Variants in PELI1 observed in about 807,000 individuals in gnomAD.
PELI1 encodes pellino E3 ubiquitin protein ligase 1, also known as E3 ubiquitin-protein ligase pellino homolog 1.
A neutral mutation model predicts 41.3 loss-of-function variants in PELI1; 15 were observed. That is an observed-to-expected ratio of 0.36 (90% CI 0.24 to 0.56). PELI1 has a LOEUF of 0.56. Ranked by LOEUF, PELI1 falls within the 20% of genes least tolerant of loss-of-function variation. PELI1 has a pLI of 0.82. For synonymous variants in PELI1, 178 were observed against 180.1 expected, an observed-to-expected ratio of 0.99 and a Z score of 0.09; for missense variants, 403 against 525.5, an observed-to-expected ratio of 0.77 and a Z score of 2.28.
intron 1 of PELI1, among the ~76,000 whole-genome samples, chr2:64,114,329 T>A (rs756770133): frequency 4.6e-5 from 7 of 152,192 alleles, no homozygotes; most frequent in Non-Finnish European, 1.0e-4. Flanking sequence ...TCATAGCAGT[T>A]TCTTGATAAG....
At chr2:64,099,640 TAAAG>T (rs1020717500) in intron 4 of PELI1, among the ~76,000 whole-genome samples, 5 of 152,012 alleles carry the variant, frequency 3.3e-5, no homozygotes, top group Non-Finnish European at 5.9e-5. Context: ...CCTTGTAAAA[TAAAG>T]AAAAATGGAA....
At chr2:64,140,815 A>AAAAAAAAAAAAAAAC (rs1558490206) in intron 1 of PELI1, among the ~76,000 whole-genome samples, 2 of 149,242 alleles carry the variant, frequency 1.3e-5, no homozygotes, top group African/African-American at 5.0e-5. Context: ...AAACAAAAAA[A>AAAAAAAAAAAAAAAC]AACCTAGGGG....
intron 4 of PELI1, among the ~76,000 whole-genome samples, chr2:64,099,842 C>T (rs181399979): frequency 6.6e-6 from 1 of 152,150 alleles, no homozygotes; most frequent in East Asian, 1.9e-4. Context: ...TGGATTGGTA[C>T]AAAAAGTAAG....
intron 3 of PELI1, among the ~76,000 whole-genome samples, chr2:64,102,341 TAC>T (rs1399625621): frequency 6.6e-6 from 1 of 152,022 alleles, no homozygotes; most frequent in African/African-American, 2.4e-5. Context: ...CATATATATA[TAC>T]ACACGCACAC....
At chr2:64,113,160 A>C (rs1212325796) in intron 1 of PELI1, among the ~76,000 whole-genome samples, 1 of 151,920 alleles carries the variant, frequency 6.6e-6, no homozygotes, top group Non-Finnish European at 1.5e-5. Flanking sequence ...ACATTAGCCA[A>C]ATGTCATGGC....
chr2:64,095,292 A>C (rs1369462816), intron 6 of PELI1, 24 bp from the exon 7 acceptor site: 9 of 1,531,130 alleles, frequency 5.9e-6, no homozygotes, highest in African/African-American at 1.4e-5. Flanking sequence ...GAGTTGAAAA[A>C]CATATTCACC....
chr2:64,126,771 T>C (rs1321524782), intron 1 of PELI1, among the ~76,000 whole-genome samples: 1 of 151,968 alleles, frequency 6.6e-6, no homozygotes, highest in Non-Finnish European at 1.5e-5. Context: ...GTATTCAATT[T>C]GGACCTTGAG....
chr2:64,104,544 C>T (rs1271090581), intron 3 of PELI1, 157 bp downstream of exon 3: 6 of 1,196,598 alleles, frequency 5.0e-6, no homozygotes, highest in Non-Finnish European at 6.5e-6. Flanking sequence ...TATGGCAGCT[C>T]TTCAAATACC....
intron 4 of PELI1, among the ~76,000 whole-genome samples, chr2:64,099,709 TAA>T (rs1350828576): frequency 3.3e-5 from 5 of 152,180 alleles, no homozygotes; most frequent in African/African-American, 4.8e-5. Flanking sequence ...ATGTTGTACT[TAA>T]GTTTGTTTTT....
intron 3 of PELI1, 97 bp downstream of exon 3, chr2:64,104,604 T>C (rs914901763): frequency 1.6e-5 from 22 of 1,379,836 alleles, no homozygotes; most frequent in Non-Finnish European, 2.1e-5. Context: ...ATTTCTGAAA[T>C]AGAAATGTAA....
rs540351488 is a variant in PELI1, at chr2:64,092,719, A to G, written c.*1983T>C. ...TTTTAAAAAAGAACCAGATACTTTA[A>G]AGTGTTACATTAAATGCAAACTCTT... is the stretch of plus-strand genomic sequence containing the variant. On this transcript the variant is annotated 3_prime_UTR_variant, in exon 7 of 7. Transcript: ENST00000358912. 15 of 152,348 alleles carry G rather than the reference A, an allele frequency of 9.8e-5. 2 individuals carry two copies. In the South Asian group the frequency reaches 2.7e-3, roughly 27 times the overall value. 9.4% of individuals were successfully genotyped at this position (152,348 alleles called of 1,614,324 possible). A position where few individuals can be genotyped will look rare whatever the true frequency, so the allele number is the denominator to read the frequency against.
intron 1 of PELI1, among the ~76,000 whole-genome samples, chr2:64,118,238 CTTGA>C (rs1355922675): frequency 6.6e-6 from 1 of 152,150 alleles, no homozygotes; most frequent in East Asian, 1.9e-4. Flanking sequence ...TTTATCCACT[CTTGA>C]TTATTGTTAT....
rs974707348 is a variant in PELI1, at chr2:64,092,964, G to A, written c.*1738C>T. ...AATGACTAGAACAAATACAACACAG[G>A]ACTTGCTTTCTTGCATTAGTCACAA... On this transcript the variant is annotated 3_prime_UTR_variant, in exon 7 of 7. Coordinates refer to ENST00000358912, the MANE Select transcript of PELI1 (RefSeq NM_020651.4). 6.6e-6 allele frequency: 1 copy of A among 152,432 alleles called. No individual in the cohort carries two copies. The highest frequency in any genetic ancestry group is 6.5e-5 in the Admixed American group (1 of 15,276). 9.4% of individuals were successfully genotyped at this position (152,432 alleles called of 1,614,324 possible).
Position 64,095,286 on chromosome 2 carries a change from T to C in PELI1, c.691-18A>G, listed in dbSNP as rs764577184. 13 of 1,567,128 alleles carry C rather than the reference T, an allele frequency of 8.3e-6. No individual in the cohort carries two copies. The highest frequency in any genetic ancestry group is 1.1e-5 in the Non-Finnish European group (13 of 1,139,084). Reference sequence around the variant, plus strand: ...ATTTCCACCTAGAGGAGACAAGAGTTGAAAAACATATTCACCACTCTGTTT... The same window carrying C: ...ATTTCCACCTAGAGGAGACAAGAGTCGAAAAACATATTCACCACTCTGTTT... On this transcript the variant is annotated intron_variant, in intron 6 of 6. Transcript: ENST00000358912.
At chr2:64,130,104 T>C (rs1681508860) in intron 1 of PELI1, among the ~76,000 whole-genome samples, 1 of 152,208 alleles carries the variant, frequency 6.6e-6, no homozygotes, top group Non-Finnish European at 1.5e-5. Flanking sequence ...GAATCCACCA[T>C]AATTCCAGAT....
chr2:64,099,887 CA>C (rs1391548828), intron 4 of PELI1, among the ~76,000 whole-genome samples: 5 of 152,106 alleles, frequency 3.3e-5, no homozygotes, highest in Non-Finnish European at 5.9e-5. Context: ...TAGCATTGAC[CA>C]AATACATGCT....
chr2:64,120,049 A>G (rs1681155308), intron 1 of PELI1, among the ~76,000 whole-genome samples: 1 of 152,222 alleles, frequency 6.6e-6, no homozygotes, highest in Admixed American at 6.5e-5. Context: ...TTTTCAATTG[A>G]TCACACTTGT....
chr2:64,110,432 C>T (rs577485020), intron 1 of PELI1, among the ~76,000 whole-genome samples: 34 of 151,422 alleles, frequency 2.2e-4, no homozygotes, highest in East Asian at 1.4e-3. Flanking sequence ...CATTCTCAGA[C>T]GAGGAAAAAT....
intron 1 of PELI1, among the ~76,000 whole-genome samples, chr2:64,123,458 T>C (rs533526879): frequency 6.6e-6 from 1 of 152,170 alleles, no homozygotes; most frequent in African/African-American, 2.4e-5. Context: ...CCTAAAAAGG[T>C]CTCATAACTC....
Sources: allele counts gnomAD v4.1 joint callset (sites outside exome capture counted in the v4.1 genomes callset), GRCh38; gene constraint gnomAD v4.1.1; transcripts MANE v1.5; gene names NCBI Gene and HGNC (gene_info 2026-07-23, HGNC 2026-07-21).